The following LAMA2 variants were observed in gnomAD, a reference collection of about 807,000 sequenced individuals.
LAMA2 encodes the protein laminin subunit alpha-2.
A neutral mutation model predicts 364.8 loss-of-function variants in LAMA2; 269 were observed. The ratio of observed to expected loss-of-function variants is 0.74; its 90% CI spans 0.67 to 0.82. The LOEUF (loss-of-function observed/expected upper bound fraction) is 0.82. Ranked by LOEUF, LAMA2 falls within the 40% of genes least tolerant of loss-of-function variation. The pLI, the probability that LAMA2 is intolerant of heterozygous loss-of-function variation, is 0.00. For synonymous variants in LAMA2, 1,379 were observed against 1,370.6 expected (o/e 1.01, Z -0.14); for missense variants, 3,807 against 3,873.2 (o/e 0.98, Z 0.45).
At chr6:129,442,823 T>C (rs1194215287) in intron 43 of LAMA2, 1 of 532,204 alleles carries the variant, frequency 1.9e-6, no homozygotes, top group Non-Finnish European at 3.3e-6. Flanking sequence ...ATTGGGTCTG[T>C]TTTCTATCTT....
intron 1 of LAMA2, among the ~76,000 whole-genome samples, chr6:129,020,506 G>T (rs1785386424): frequency 6.6e-6 from 1 of 152,170 alleles, no homozygotes; most frequent in Admixed American, 6.5e-5. Flanking sequence ...AGGACTTAAA[G>T]TCTCTTAGTA....
chr6:128,918,029 C>T (rs9492137), intron 1 of LAMA2, among the ~76,000 whole-genome samples: 19,963 of 151,940 alleles, frequency 0.13, 1,685 homozygotes, highest in African/African-American at 0.24. Context: ...CTGCACCTGG[C>T]TTTTATATTC....
chr6:129,186,486 T>G (rs1339741868), intron 10 of LAMA2, among the ~76,000 whole-genome samples: 1 of 134,948 alleles, frequency 7.4e-6, no homozygotes, highest in African/African-American at 3.5e-5. Flanking sequence ...TTTTACTGTG[T>G]GTATTTATTT....
intron 3 of LAMA2, among the ~76,000 whole-genome samples, chr6:129,086,614 G>A (rs528715098): frequency 6.6e-6 from 1 of 152,308 alleles, no homozygotes; most frequent in Non-Finnish European, 1.5e-5. Context: ...TTTGCAAAAA[G>A]CAAAAGTAGG....
chr6:129,005,475 T>A (rs1784393450), intron 1 of LAMA2, among the ~76,000 whole-genome samples: 1 of 151,984 alleles, frequency 6.6e-6, no homozygotes, highest in Non-Finnish European at 1.5e-5. Context: ...TTTAAAAAAA[T>A]ATCTTGATAC....
chr6:129,422,169 C>G (rs921958308), intron 40 of LAMA2, among the ~76,000 whole-genome samples: 1 of 152,088 alleles, frequency 6.6e-6, no homozygotes, highest in Non-Finnish European at 1.5e-5. Flanking sequence ...CCCTGCCTTT[C>G]CTTATACTAT....
chr6:129,118,762 G>GA (rs1319988421), intron 4 of LAMA2, among the ~76,000 whole-genome samples: 1 of 152,144 alleles, frequency 6.6e-6, no homozygotes, highest in Non-Finnish European at 1.5e-5. Flanking sequence ...AGACTGATGA[G>GA]AAACCTCTGA....
intron 18 of LAMA2, among the ~76,000 whole-genome samples, chr6:129,285,577 G>A (rs1160342057): frequency 6.6e-6 from 1 of 152,024 alleles, no homozygotes; most frequent in Non-Finnish European, 1.5e-5. Context: ...AAAATAATAG[G>A]TTTTCGTTTG....
At chr6:129,360,696 T>C (rs1352662903) in intron 32 of LAMA2, among the ~76,000 whole-genome samples, 2 of 152,210 alleles carry the variant, frequency 1.3e-5, no homozygotes, top group African/African-American at 2.4e-5. Flanking sequence ...TAAAATGGAA[T>C]GTATGAGCCC....
At chr6:129,455,189 G>A (rs1354965516) in intron 47 of LAMA2, among the ~76,000 whole-genome samples, 1 of 152,032 alleles carries the variant, frequency 6.6e-6, no homozygotes, top group Non-Finnish European at 1.5e-5. Context: ...TGATGATCAT[G>A]CCTGTGAATA....
At chr6:129,243,961 A>G (rs1277995078) in intron 12 of LAMA2, among the ~76,000 whole-genome samples, 1 of 151,800 alleles carries the variant, frequency 6.6e-6, no homozygotes, top group Non-Finnish European at 1.5e-5. Flanking sequence ...GATAGGAAGG[A>G]AAAAAAAGGT....
chr6:129,246,062 A>C (rs1000790045), intron 12 of LAMA2, among the ~76,000 whole-genome samples: 13 of 152,058 alleles, frequency 8.5e-5, no homozygotes, highest in African/African-American at 3.1e-4. Context: ...CAACCTAGCA[A>C]TTGTTTAAAA....
At chr6:129,213,133 G>A (rs140348723) in intron 12 of LAMA2, among the ~76,000 whole-genome samples, 2 of 152,294 alleles carry the variant, frequency 1.3e-5, no homozygotes, top group African/African-American at 4.8e-5. Context: ...ACAATGTGTT[G>A]TCTTTTCAGG....
chr6:129,397,829 C>T lies in LAMA2; in HGVS notation c.5446-3395C>T, dbSNP rs564800504. Among the ~76,000 whole-genome samples, 27 of 150,424 alleles carry T rather than the reference C, an allele frequency of 1.8e-4. No individual in the cohort carries two copies. The South Asian group carries it at 2.8e-3, about 15-fold the overall frequency. On this transcript the variant is annotated intron_variant, in intron 37 of 64. Transcript: ENST00000421865. ...GTGGCAGGCACCTGCAGTCCCTACT[C>T]GGGAGGCTGAGGCAGGAGAATGGTG...
At chr6:129,186,449 G>A (rs1781234549) in intron 10 of LAMA2, among the ~76,000 whole-genome samples, 1 of 151,484 alleles carries the variant, frequency 6.6e-6, no homozygotes, top group Admixed American at 6.6e-5. Context: ...CAATCTTATG[G>A]ATGGCAAGAA....
chr6:129,450,342 T>G (rs1440972823), intron 45 of LAMA2, among the ~76,000 whole-genome samples: 3 of 151,784 alleles, frequency 2.0e-5, no homozygotes, highest in African/African-American at 4.8e-5. Flanking sequence ...TGTTTTGACA[T>G]GGAGTCTCAC....
At chr6:128,922,688 G>A (rs1268653360) in intron 1 of LAMA2, among the ~76,000 whole-genome samples, 1 of 151,936 alleles carries the variant, frequency 6.6e-6, no homozygotes, top group Non-Finnish European at 1.5e-5. Flanking sequence ...AGTTTCTTTT[G>A]CTGTGCAGAA....
At chr6:129,402,272 G>T in intron 38 of LAMA2, 52 bp from the exon 39 acceptor site, 1 of 1,295,662 alleles carries the variant, frequency 7.7e-7, no homozygotes, top group Non-Finnish European at 1.1e-6. Context: ...ATTAGTAAAA[G>T]AGAGGAGGCT....
At chr6:129,165,555 T>G in intron 8 of LAMA2, 21 bp from the exon 9 acceptor site, 1 of 1,523,930 alleles carries the variant, frequency 6.6e-7, no homozygotes, top group South Asian at 1.1e-5. Context: ...TTCGTTAAAT[T>G]CATTTTAATA....
Sources: gnomAD v4.1 joint callset for allele counts (sites outside exome capture counted in the v4.1 genomes callset) on GRCh38, gnomAD v4.1.1 for gene constraint, MANE v1.5 for transcripts, NCBI Gene and HGNC (gene_info 2026-07-23, HGNC 2026-07-21) for gene names.